Variants in GRID2 observed in about 807,000 individuals in gnomAD.
GRID2 encodes glutamate ionotropic receptor delta type subunit 2, also known as glutamate receptor ionotropic, delta-2.
Under a neutral mutation model 114.8 loss-of-function variants are expected in GRID2, and 33 were observed. That is an observed-to-expected ratio of 0.29 (90% CI 0.22 to 0.38). The LOEUF (loss-of-function observed/expected upper bound fraction) is 0.38. Among genes scored for constraint, GRID2 ranks in the 10% least tolerant of loss-of-function variants. The pLI is 1.00. For synonymous variants in GRID2, 505 were observed against 449.9 expected (o/e 1.12, Z -1.55); for missense variants, 1,184 against 1,257.7 (o/e 0.94, Z 0.89).
intron 1 of GRID2, among the ~76,000 whole-genome samples, chr4:93,784,262 A>G (rs1265007917): frequency 6.6e-6 from 1 of 151,904 alleles, no homozygotes. Context: ...CCATCTACGT[A>G]TCTTACTAGA....
At chr4:92,865,315 C>A (rs939188469) in intron 2 of GRID2, among the ~76,000 whole-genome samples, 3 of 152,076 alleles carry the variant, frequency 2.0e-5, no homozygotes, top group African/African-American at 7.2e-5. Flanking sequence ...TGATGTCTAA[C>A]AAATGGATGT....
chr4:93,220,562 C>A (rs994544356), intron 6 of GRID2, among the ~76,000 whole-genome samples: 1 of 152,124 alleles, frequency 6.6e-6, no homozygotes, highest in Non-Finnish European at 1.5e-5. Context: ...AGTTGTTTTT[C>A]TCCAAATATT....
chr4:92,964,399 G>A (rs1211006356), intron 2 of GRID2, among the ~76,000 whole-genome samples: 1 of 151,992 alleles, frequency 6.6e-6, no homozygotes, highest in African/African-American at 2.4e-5. Context: ...AGGCATAGGG[G>A]ACAAGAGGAG....
intron 1 of GRID2, among the ~76,000 whole-genome samples, chr4:92,338,627 A>G (rs1390930812): frequency 1.3e-5 from 2 of 152,128 alleles, no homozygotes; most frequent in Non-Finnish European, 2.9e-5. Flanking sequence ...GTTCTGAAAC[A>G]TAGCTATCTA....
chr4:92,468,149 A>G (rs927068983), intron 1 of GRID2, among the ~76,000 whole-genome samples: 1 of 152,080 alleles, frequency 6.6e-6, no homozygotes, highest in Non-Finnish European at 1.5e-5. Context: ...GTTTGGAGAT[A>G]CAAATGAAAT....
intron 8 of GRID2, among the ~76,000 whole-genome samples, chr4:93,297,532 G>A (rs1433653): frequency 0.054 from 8,252 of 152,212 alleles, 754 homozygotes; most frequent in African/African-American, 0.19. Flanking sequence ...TTCGGGCTCT[G>A]CAATGAGACA....
At chr4:92,779,911 A>G (rs145656552) in intron 2 of GRID2, among the ~76,000 whole-genome samples, 5 of 152,274 alleles carry the variant, frequency 3.3e-5, no homozygotes, top group African/African-American at 1.2e-4. Flanking sequence ...GAATATGTTC[A>G]TAAAGTCTAG....
intron 2 of GRID2, among the ~76,000 whole-genome samples, chr4:92,959,798 G>T (rs1309726919): frequency 6.6e-6 from 1 of 152,004 alleles, no homozygotes; most frequent in African/African-American, 2.4e-5. Context: ...AGTGGGAGAT[G>T]AACAATGAGA....
intron 2 of GRID2, among the ~76,000 whole-genome samples, chr4:92,800,946 G>A (rs187790685): frequency 3.0e-4 from 46 of 152,054 alleles, no homozygotes; most frequent in African/African-American, 1.0e-3. Context: ...GCTCTCTTAA[G>A]CCTCCGTTTT....
At chr4:92,735,684 T>C (rs1736556688) in intron 2 of GRID2, among the ~76,000 whole-genome samples, 1 of 152,182 alleles carries the variant, frequency 6.6e-6, no homozygotes, top group Admixed American at 6.6e-5. Context: ...TTGAACTTCT[T>C]TTTCAATTGT....
intron 8 of GRID2, among the ~76,000 whole-genome samples, chr4:93,351,001 G>T (rs1174322970): frequency 6.6e-6 from 1 of 151,948 alleles, no homozygotes; most frequent in African/African-American, 2.4e-5. Context: ...GAGAGTGTGT[G>T]CAGGGGAACT....
chr4:93,613,226 A>C (rs1481806350), intron 13 of GRID2, among the ~76,000 whole-genome samples: 3 of 143,790 alleles, frequency 2.1e-5, no homozygotes, highest in Non-Finnish European at 3.1e-5. Flanking sequence ...AATTTTTTTC[A>C]AAGTTTTCAA....
chr4:92,361,384 T>C (rs897380936), intron 1 of GRID2, among the ~76,000 whole-genome samples: 9 of 152,026 alleles, frequency 5.9e-5, no homozygotes, highest in African/African-American at 1.9e-4. Context: ...AAATATTCAA[T>C]GTAAATTGTA....
rs1266849237 is a variant in GRID2, at chr4:92,939,507, C to T, written c.245-145488C>T. ...TAGATTGCAAAAATTTTCTCCCATT[C>T]TGTAGGTTCCCTGTTCACTCTGATA... On this transcript the variant is annotated intron_variant, in intron 2 of 15. Coordinates refer to ENST00000282020, the MANE Select transcript of GRID2 (RefSeq NM_001510.4). Among the ~76,000 whole-genome samples the T allele has an allele frequency of 2.0e-5, 3 of 147,104 alleles. 1 individual carries two copies. Among genetic ancestry groups the T allele is most frequent in the Admixed American group, 1.5e-4 (2 of 13,614 alleles).
chr4:93,359,728 A>G (rs1380485099), intron 8 of GRID2, among the ~76,000 whole-genome samples: 1 of 135,722 alleles, frequency 7.4e-6, no homozygotes, highest in Non-Finnish European at 1.6e-5. Flanking sequence ...TGGCTATGGT[A>G]TTTGCTTAGC....
chr4:92,341,040 A>G (rs141064167), intron 1 of GRID2, among the ~76,000 whole-genome samples: 3 of 152,258 alleles, frequency 2.0e-5, no homozygotes, highest in Non-Finnish European at 2.9e-5. Flanking sequence ...ATATCACCTC[A>G]GTATTATATA....
chr4:93,465,352 C>A (rs1316648720), intron 11 of GRID2, among the ~76,000 whole-genome samples: 1 of 152,266 alleles, frequency 6.6e-6, no homozygotes, highest in Middle Eastern at 3.4e-3. Context: ...TTAAAATTTT[C>A]TTTTATCTAT....
chr4:92,517,349 A>G (rs2149136614), intron 1 of GRID2, among the ~76,000 whole-genome samples: 1 of 152,026 alleles, frequency 6.6e-6, no homozygotes, highest in Non-Finnish European at 1.5e-5. Flanking sequence ...ATGATAGAAT[A>G]TTTCATAATG....
chr4:93,702,900 TA>T (rs1428816783), intron 14 of GRID2, among the ~76,000 whole-genome samples: 2 of 151,896 alleles, frequency 1.3e-5, no homozygotes, highest in Non-Finnish European at 2.9e-5. Context: ...GTACTATGGA[TA>T]AAAATGAAGC....
Sources: gnomAD v4.1 joint callset for allele counts (sites outside exome capture counted in the v4.1 genomes callset) on GRCh38, gnomAD v4.1.1 for gene constraint, MANE v1.5 for transcripts, NCBI Gene and HGNC (gene_info 2026-07-23, HGNC 2026-07-21) for gene names.